The following RBFOX1 variants were observed in gnomAD, a reference collection of about 807,000 sequenced individuals.
The protein encoded by RBFOX1 is RNA binding fox-1 homolog 1, also known as RNA binding protein fox-1 homolog 1.
In RBFOX1, 8 loss-of-function variants were observed where a neutral mutation model predicts 57.7. The ratio of observed to expected loss-of-function variants is 0.14; its 90% CI spans 0.08 to 0.25. RBFOX1 has a LOEUF of 0.25. Ranked by LOEUF, RBFOX1 falls within the 10% of genes least tolerant of loss-of-function variation. The pLI is 1.00. For missense variants in RBFOX1, 611 were observed against 548.5 expected (o/e 1.11, Z -1.14); for synonymous variants, 326 against 222.4 (o/e 1.47, Z -4.15).
At chr16:5,849,722 C>T (rs2056845320) in intron 3 of RBFOX1, among the ~76,000 whole-genome samples, 1 of 152,172 alleles carries the variant, frequency 6.6e-6, no homozygotes, top group Non-Finnish European at 1.5e-5. Flanking sequence ...TATTTATTAG[C>T]ATCTCGCCGA....
At chr16:5,366,420 A>C in intron 1 of RBFOX1, 1 of 449,338 alleles carries the variant, frequency 2.2e-6, no homozygotes, top group Non-Finnish European at 4.3e-6. Flanking sequence ...AAAAATGCAC[A>C]CAAGTCAAAT....
intron 4 of RBFOX1, among the ~76,000 whole-genome samples, chr16:7,380,711 G>A (rs759354343): frequency 5.9e-5 from 9 of 152,142 alleles, no homozygotes; most frequent in Admixed American, 1.3e-4. Context: ...AACTGTTTTC[G>A]TTTGCACCTG....
chr16:6,503,921 C>T (rs2096014230), intron 2 of RBFOX1, among the ~76,000 whole-genome samples: 1 of 152,196 alleles, frequency 6.6e-6, no homozygotes, highest in Non-Finnish European at 1.5e-5. Context: ...GAGGATGTTC[C>T]TTAAGCCGGA....
intron 3 of RBFOX1, among the ~76,000 whole-genome samples, chr16:6,665,493 C>T (rs1160025699): frequency 3.3e-5 from 5 of 151,988 alleles, no homozygotes; most frequent in Non-Finnish European, 7.4e-5. Flanking sequence ...GGCATAGTGA[C>T]AGGCACCTGT....
chr16:7,377,440 C>T (rs1297659045), intron 4 of RBFOX1, among the ~76,000 whole-genome samples: 1 of 152,168 alleles, frequency 6.6e-6, no homozygotes, highest in African/African-American at 2.4e-5. Context: ...AGAATCATTT[C>T]ATCATTAAGA....
intron 2 of RBFOX1, among the ~76,000 whole-genome samples, chr16:6,530,897 A>G (rs942373454): frequency 6.6e-6 from 1 of 152,136 alleles, no homozygotes; most frequent in African/African-American, 2.4e-5. Context: ...TGAGATTTGC[A>G]TAGGGTCACA....
At chr16:7,286,651 T>A (rs2095657466) in intron 4 of RBFOX1, among the ~76,000 whole-genome samples, 1 of 127,328 alleles carries the variant, frequency 7.9e-6, no homozygotes, top group South Asian at 2.6e-4. Context: ...TGAGACAGAG[T>A]CTTACTCTGT....
intron 3 of RBFOX1, among the ~76,000 whole-genome samples, chr16:5,819,237 G>A (rs1013324777): frequency 6.6e-6 from 1 of 152,152 alleles, no homozygotes. Flanking sequence ...TCTTTTCAAT[G>A]TGACATCCTA....
At chr16:7,350,719 C>G (rs1279605377) in intron 4 of RBFOX1, among the ~76,000 whole-genome samples, 1 of 152,118 alleles carries the variant, frequency 6.6e-6, no homozygotes, top group Non-Finnish European at 1.5e-5. Flanking sequence ...TCTTCATTGA[C>G]CGGAGAATTC....
chr16:5,956,348 T>C (rs2059639034), intron 4 of RBFOX1, among the ~76,000 whole-genome samples: 1 of 152,042 alleles, frequency 6.6e-6, no homozygotes, highest in African/African-American at 2.4e-5. Context: ...AATGAATAAA[T>C]TTTTAGTATA....
intron 4 of RBFOX1, among the ~76,000 whole-genome samples, chr16:7,376,681 C>T (rs898064747): frequency 6.6e-6 from 1 of 152,132 alleles, no homozygotes; most frequent in Non-Finnish European, 1.5e-5. Flanking sequence ...TTTCATGGTT[C>T]ATGCAGCAGA....
chr16:6,439,591 A>C (rs1273749216), intron 2 of RBFOX1, among the ~76,000 whole-genome samples: 1 of 152,142 alleles, frequency 6.6e-6, no homozygotes, highest in African/African-American at 2.4e-5. Flanking sequence ...TCAGTGCAAT[A>C]TACCCTTCCT....
intron 1 of RBFOX1, among the ~76,000 whole-genome samples, chr16:6,155,339 G>T (rs2096830982): frequency 6.6e-6 from 1 of 152,188 alleles, no homozygotes; most frequent in Admixed American, 6.5e-5. Context: ...GCTGTGCACT[G>T]TTGAGGAACA....
intron 2 of RBFOX1, among the ~76,000 whole-genome samples, chr16:6,508,701 G>C (rs1353403480): frequency 6.6e-6 from 1 of 151,968 alleles, no homozygotes; most frequent in Non-Finnish European, 1.5e-5. Flanking sequence ...TGCATCTGCA[G>C]TTACTTCATC....
intron 1 of RBFOX1, among the ~76,000 whole-genome samples, chr16:6,178,845 A>G (rs895117403): frequency 9.9e-5 from 15 of 152,208 alleles, no homozygotes; most frequent in Non-Finnish European, 1.9e-4. Flanking sequence ...ATGAAGGTGA[A>G]GTAAATACAG....
At chr16:7,065,190 C>G (rs2055655024) in intron 4 of RBFOX1, among the ~76,000 whole-genome samples, 1 of 152,168 alleles carries the variant, frequency 6.6e-6, no homozygotes, top group Non-Finnish European at 1.5e-5. Flanking sequence ...AGAATGCATT[C>G]TAATATTTCA....
intron 4 of RBFOX1, among the ~76,000 whole-genome samples, chr16:7,453,894 A>G (rs2057929397): frequency 2.0e-5 from 3 of 152,170 alleles, no homozygotes; most frequent in Admixed American, 1.3e-4. Flanking sequence ...TGTCCTCGCA[A>G]AGAAGGAGTG....
intron 2 of RBFOX1, among the ~76,000 whole-genome samples, chr16:5,522,287 A>G (rs977347360): frequency 6.6e-6 from 1 of 152,212 alleles, no homozygotes; most frequent in Non-Finnish European, 1.5e-5. Flanking sequence ...CATCTGTAAA[A>G]TGGGTCTCAT....
chr16:6,646,598 C>A (rs1011514250), intron 2 of RBFOX1, among the ~76,000 whole-genome samples: 7 of 152,184 alleles, frequency 4.6e-5, no homozygotes, highest in African/African-American at 1.7e-4. Flanking sequence ...CTCTTCCTGG[C>A]AAACTTAACA....
Sources: allele counts gnomAD v4.1 joint callset (sites outside exome capture counted in the v4.1 genomes callset), GRCh38; gene constraint gnomAD v4.1.1; transcripts MANE v1.5; gene names NCBI Gene and HGNC (gene_info 2026-07-23, HGNC 2026-07-21).